The following FAM200A variants were observed in gnomAD, a reference collection of about 807,000 sequenced individuals.
FAM200A encodes ZBED8 like.
A neutral mutation model predicts 44.2 loss-of-function variants in FAM200A; 26 were observed. The ratio of observed to expected loss-of-function variants is 0.59; its 90% confidence interval spans 0.43 to 0.82. The LOEUF (loss-of-function observed/expected upper bound fraction) is 0.82, where lower values mean the gene tolerates loss of function less well. FAM200A is among the 40% of genes least tolerant of loss of function. The pLI is 0.00. For synonymous variants in FAM200A, 206 were observed against 244.4 expected (o/e 0.84, Z 1.47); for missense variants, 606 against 669.5 (o/e 0.91, Z 1.05).
chr7:99,547,945 T>A lies in FAM200A; in HGVS notation c.463A>T (p.Thr155Ser). The change falls in exon 2 of 2, where the codon ACA (threonine) becomes TCA (serine). Residue 155 changes from threonine (T) to serine (S), a missense_variant. Coordinates refer to ENST00000449309, the MANE Select transcript of FAM200A (RefSeq NM_145111.4). ...ACATATCTGACATAAACCAAGAGTG[T>A]GGGACAACTTGCAATATCAGTGCTC... ...DESTDIASCP[T>S]LLVYVRYVWQ... 6.4e-7 allele frequency: 1 copy of A among 1,551,294 alleles called. No homozygotes were observed. Among genetic ancestry groups the A allele is most frequent in the East Asian group, 2.4e-5 (1 of 40,930 alleles).
At position 99,548,400 on chromosome 7, in the gene FAM200A, G is replaced by C; in HGVS notation, c.8C>G (p.Pro3Arg). The change falls in exon 2 of 2, where the codon CCT becomes CGT. Residue 3 changes from proline to arginine, a missense_variant. Physicochemically the swap from Pro to Arg is moderately radical, Grantham distance 103 (BLOSUM62 -2). Coordinates refer to ENST00000449309, the MANE Select transcript of FAM200A (RefSeq NM_145111.4). Reference protein sequence around the residue: MTPESRDTTDLSP... With the variant: MTRESRDTTDLSP... ...CAAATCTGTAGTATCCCTTGATTCAGGAGTCATTATTCAGGTTCCAGGAAC... is the reference window on the plus strand; with the variant it reads ...CAAATCTGTAGTATCCCTTGATTCACGAGTCATTATTCAGGTTCCAGGAAC... 6.2e-7 allele frequency: 1 copy of C among 1,612,590 alleles called. No individual in the cohort carries two copies.
At chr7:99,553,362 C>T (rs1342835055), upstream of FAM200A, among the ~76,000 whole-genome samples, 1 of 151,888 alleles carries the variant, frequency 6.6e-6, no homozygotes, top group East Asian at 1.9e-4. Context: ...CCTAAAGGGT[C>T]CAGGAAGGCA....
intron 1 of FAM200A, among the ~76,000 whole-genome samples, 167 bp from the exon 2 acceptor site, chr7:99,548,673 A>T (rs144652258): frequency 2.0e-4 from 31 of 152,168 alleles, no homozygotes; most frequent in African/African-American, 6.5e-4. Flanking sequence ...TACTATATAC[A>T]CCACTCATTT....
chr7:99,548,154 AT>A lies in FAM200A; in HGVS notation c.253del (p.Ile85SerfsTer21), dbSNP rs1562925316. On this transcript the variant is annotated frameshift_variant, in exon 2 of 2. Transcript: ENST00000449309. LOFTEE classifies it high-confidence loss of function. Reference protein sequence around the residue: ...KMAHTAAEKIILPACMDMVRT... With the variant: ...KMAHTAAEKIXLPACMDMVRT... ...TACCATGTCCATACATGCTGGAAGG[AT>A]AATTTTTTCAGCCGCTGTGTGAGCC... is the stretch of plus-strand genomic sequence containing the variant. The A allele has an allele frequency of 1.3e-6, 2 of 1,552,150 alleles. No individual in the cohort carries two copies. Among genetic ancestry groups the A allele is most frequent in the East Asian group, 4.9e-5 (2 of 40,964 alleles).
rs778073812 is a variant in FAM200A, at chr7:99,547,754, G to A, written c.654C>T (p.Thr218=). 2.4e-5 allele frequency: 37 copies of A among 1,551,434 alleles called. No individual in the cohort carries two copies. The highest frequency in any genetic ancestry group is 9.5e-5 in the South Asian group (8 of 84,048). The change falls in exon 2 of 2, where the codon ACC becomes ACT. Residue 218 remains threonine, a synonymous_variant. Coordinates refer to ENST00000449309, the MANE Select transcript of FAM200A (RefSeq NM_145111.4). ...TTTCAGTAAGTCTGCTGTGTTTTCC[G>A]GTCATATTTGCTGTTCCATCACTTG... The part of the protein sequence containing the change: ...GISSDGTANM[T]GKHSRLTEKL...
In FAM200A at chr7:99,546,592, C is replaced by A. The variant is rs761371288; in HGVS notation, c.*94G>T. The A allele has an allele frequency of 4.9e-5, 65 of 1,336,546 alleles. No homozygotes were observed. The highest frequency in any genetic ancestry group is 6.3e-5 in the Non-Finnish European group (65 of 1,030,172). 82.8% of individuals were successfully genotyped at this position (1,336,546 alleles called of 1,614,324 possible). ...CCATGTTGGCCAGGCTGGTCTTGAACTCAAGTGATCTGCCCACCTCGGTCT... is the reference window on the plus strand; with the variant it reads ...CCATGTTGGCCAGGCTGGTCTTGAAATCAAGTGATCTGCCCACCTCGGTCT... On this transcript the variant is annotated 3_prime_UTR_variant, in exon 2 of 2. Coordinates refer to ENST00000449309, the MANE Select transcript of FAM200A (RefSeq NM_145111.4).
intron 1 of FAM200A, among the ~76,000 whole-genome samples, chr7:99,550,075 C>A (rs889781688): frequency 6.6e-6 from 1 of 151,756 alleles, no homozygotes; most frequent in Admixed American, 6.6e-5. Context: ...TAAAAAAAAA[C>A]TTAAAAAAAG....
At chr7:99,549,437 T>A (rs1802478719) in intron 1 of FAM200A, among the ~76,000 whole-genome samples, 1 of 152,174 alleles carries the variant, frequency 6.6e-6, no homozygotes, top group East Asian at 1.9e-4. Flanking sequence ...AGGAATACTT[T>A]TACGTTGTTG....
chr7:99,546,959 T>A lies in FAM200A; in HGVS notation c.1449A>T (p.Ser483=), dbSNP rs1227107484. 1.3e-6 allele frequency: 2 copies of A among 1,550,076 alleles called. No individual in the cohort carries two copies. The highest frequency in any genetic ancestry group is 2.7e-5 in the African/African-American group (2 of 73,016). ...EENELLQLSS[S]FTLKNYYKIL... is the part of the protein sequence containing the mutation. ...TCTTATAATAATTCTTTAGTGTGAA[T>A]GATGAACTGAGCTGCAATAATTCAT... The change falls in exon 2 of 2, where the codon TCA becomes TCT. Residue 483 remains serine (S), a synonymous_variant. Coordinates refer to ENST00000449309, the MANE Select transcript of FAM200A (RefSeq NM_145111.4).
intron 1 of FAM200A, among the ~76,000 whole-genome samples, chr7:99,549,677 A>G (rs1017058708): frequency 5.3e-5 from 8 of 152,372 alleles, no homozygotes; most frequent in Admixed American, 2.0e-4. Context: ...AGACTGGATT[A>G]AGAAAATGTG....
chr7:99,549,182 A>ATTTTTTTTTTTTTT (rs1443044531), intron 1 of FAM200A, among the ~76,000 whole-genome samples: 6 of 138,192 alleles, frequency 4.3e-5, no homozygotes, highest in South Asian at 5.9e-4. Flanking sequence ...TTTCTTAAAA[A>ATTTTTTTTTTTTTT]TAAGAAATTA....
chr7:99,552,342 TTGA>T (rs1182810340), upstream of FAM200A, among the ~76,000 whole-genome samples: 1 of 152,184 alleles, frequency 6.6e-6, no homozygotes, highest in African/African-American at 2.4e-5. Flanking sequence ...TCTATTTTTC[TTGA>T]TGACAATAAT....
chr7:99,553,094 TA>T (rs1458551271), upstream of FAM200A, among the ~76,000 whole-genome samples: 185 of 84,292 alleles, frequency 2.2e-3, no homozygotes, highest in South Asian at 9.6e-3. Context: ...TATATATATA[TA>T]TATATTTTTT....
rs1183542268 is a variant in FAM200A at position 99,547,482 on chromosome 7, A to C, written c.926T>G (p.Val309Gly). The C allele has an allele frequency of 6.5e-7, 1 of 1,550,082 alleles. No individual in the cohort carries two copies. ...TEVRWLSQGK[V>G]LSRVYELRNE... is the part of the protein sequence containing the mutation. ...CCTGAGTTCATATACTCTGCTCAAT[A>C]CTTTTCCTTGAGAAAGCCAACGAAC... Residue 309 changes from valine (V) to glycine (G), a missense_variant, in exon 2 of 2, where the codon GTA becomes GGA. By Grantham distance (109) the Val-to-Gly change is moderately radical. Coordinates refer to ENST00000449309, the MANE Select transcript of FAM200A (RefSeq NM_145111.4).
chr7:99,547,101 T>TA lies in FAM200A; in HGVS notation c.1306dup (p.Tyr436LeufsTer9). ...TTCAAATTTCTCTTCCGGAAAGTAA[T>TA]AATTAAAAGTTTGAGACAAAGAAGT... On this transcript the variant is annotated frameshift_variant, in exon 2 of 2. Coordinates refer to ENST00000449309, the MANE Select transcript of FAM200A (RefSeq NM_145111.4). LOFTEE classifies it high-confidence loss of function. 1.9e-6 allele frequency: 3 copies of TA among 1,547,176 alleles called. No homozygotes were observed. Among genetic ancestry groups the TA allele is most frequent in the Non-Finnish European group, 2.6e-6 (3 of 1,145,846 alleles).
At chr7:99,549,934 G>A (rs1397865697) in intron 1 of FAM200A, among the ~76,000 whole-genome samples, 1 of 151,966 alleles carries the variant, frequency 6.6e-6, no homozygotes, top group Non-Finnish European at 1.5e-5. Flanking sequence ...AGCATTAGGA[G>A]ATATACCTAA....
intron 1 of FAM200A, among the ~76,000 whole-genome samples, chr7:99,550,545 T>C (rs1802505164): frequency 6.6e-6 from 1 of 152,210 alleles, no homozygotes. Context: ...ATTCAGTCTA[T>C]CGGCAGATTC....
intron 1 of FAM200A, among the ~76,000 whole-genome samples, chr7:99,557,927 C>G (rs951453122): frequency 6.6e-6 from 1 of 152,146 alleles, no homozygotes; most frequent in Non-Finnish European, 1.5e-5. Flanking sequence ...TGTAAGGATC[C>G]AGGTTCAGCA....
chr7:99,551,501 A>G (rs1687004921), intron 1 of FAM200A, among the ~76,000 whole-genome samples: 1 of 152,052 alleles, frequency 6.6e-6, no homozygotes, highest in Non-Finnish European at 1.5e-5. Flanking sequence ...CCCGGCCTTC[A>G]CTCTAATCAC....
Sources: gnomAD v4.1 joint callset for allele counts (sites outside exome capture counted in the v4.1 genomes callset) on GRCh38, gnomAD v4.1.1 for gene constraint, MANE v1.5 for transcripts, NCBI Gene and HGNC (gene_info 2026-07-23, HGNC 2026-07-21) for gene names.